Variants in KANSL1 observed in about 807,000 individuals in gnomAD.
The protein encoded by KANSL1 is MLL1/MLL complex subunit KANSL1.
In KANSL1, 22 loss-of-function variants were observed where a neutral mutation model predicts 103.6. That is an observed-to-expected ratio of 0.21 (90% CI 0.15 to 0.30). The LOEUF is 0.30. KANSL1 is among the 10% of genes least tolerant of loss of function. The pLI, the probability that KANSL1 is intolerant of heterozygous loss-of-function variation, is 1.00. For synonymous variants in KANSL1, 600 were observed against 527.6 expected (o/e 1.14, Z -1.88); for missense variants, 1,337 against 1,399.8 (o/e 0.96, Z 0.72).
intron 6 of KANSL1, among the ~76,000 whole-genome samples, chr17:46,055,336 GC>G (rs1352408624): frequency 6.6e-6 from 1 of 151,694 alleles, no homozygotes; most frequent in African/African-American, 2.4e-5. Flanking sequence ...ATGGTGGCGG[GC>G]GCCTGTAATC....
rs138233295 is a variant in KANSL1, at chr17:46,107,724, T to C, written c.1290-13023A>G. Among the ~76,000 whole-genome samples, 5 of 152,344 alleles carry C rather than the reference T, an allele frequency of 3.3e-5. No individual in the cohort carries two copies. In the East Asian group the frequency reaches 9.6e-4, roughly 29 times the overall value. ...TTTCTACCTGCCTACTCAACACTTC[T>C]ATTTGAATGTCTAAAAAGTGTCTCA... On this transcript the variant is annotated intron_variant, in intron 2 of 14. Transcript: ENST00000432791.
At chr17:46,198,427 A>T (rs1299760056), upstream of KANSL1, among the ~76,000 whole-genome samples, 8 of 110,804 alleles carry the variant, frequency 7.2e-5, no homozygotes, top group Admixed American at 1.9e-4. Context: ...TTAATTAAAA[A>T]AAAAAAAAAA....
chr17:46,133,562 T>C (rs746602588), intron 2 of KANSL1, among the ~76,000 whole-genome samples: 1 of 152,254 alleles, frequency 6.6e-6, no homozygotes, highest in African/African-American at 2.4e-5. Context: ...CTATCCAATC[T>C]TCCTATTCTC....
chr17:46,183,886 G>A (rs1022597659), intron 1 of KANSL1, among the ~76,000 whole-genome samples: 2 of 152,162 alleles, frequency 1.3e-5, no homozygotes, highest in African/African-American at 2.4e-5. Context: ...GCACTCCAGC[G>A]TAGGCGACAG....
intron 1 of KANSL1, among the ~76,000 whole-genome samples, chr17:46,180,992 G>T (rs1026430678): frequency 1.3e-5 from 2 of 152,148 alleles, no homozygotes; most frequent in Non-Finnish European, 2.9e-5. Flanking sequence ...TGGATTGAAA[G>T]TAAGTAAAAA....
At chr17:46,108,876 C>T (rs1201088987) in intron 2 of KANSL1, among the ~76,000 whole-genome samples, 1 of 152,208 alleles carries the variant, frequency 6.6e-6, no homozygotes, top group Non-Finnish European at 1.5e-5. Flanking sequence ...AGTCCACACT[C>T]TTAGTCCAAG....
At chr17:46,193,756 C>A, upstream of KANSL1, 1 of 184,176 alleles carries the variant, frequency 5.4e-6, no homozygotes, top group South Asian at 5.9e-5. Context: ...TAACCTGAGG[C>A]ACTGACGCCG....
Position 46,050,378 on chromosome 17 carries a change from TAC to T in KANSL1, c.2020+153_2020+154del, listed in dbSNP as rs1423859721. On this transcript the variant is annotated intron_variant, in intron 7 of 14. Coordinates refer to ENST00000432791, the MANE Select transcript of KANSL1 (RefSeq NM_015443.4). The stretch of plus-strand genomic sequence containing the variant: ...GCACCTTCTGGTTTGGTGGATCTGT[TAC>T]AGTCTTTTTGCAAAATTCTAAGAGA... The T allele has an allele frequency of 1.0e-5, 7 of 681,708 alleles. No homozygotes were observed. In the Admixed American group the frequency reaches 1.7e-4, roughly 17 times the overall value. The allele number at this position is 681,708 out of a possible 1,614,324, so 42.2% of individuals were successfully genotyped here. A position where few individuals can be genotyped will look rare whatever the true frequency, so the allele number is the denominator to read the frequency against.
intron 1 of KANSL1, among the ~76,000 whole-genome samples, chr17:46,172,717 T>C (rs139034334): frequency 1.2e-4 from 19 of 152,244 alleles, no homozygotes; most frequent in Non-Finnish European, 2.5e-4. Flanking sequence ...CCAGTTTTCA[T>C]CAGCTTCTCA....
At chr17:46,098,060 C>T (rs2042157491) in intron 2 of KANSL1, among the ~76,000 whole-genome samples, 1 of 149,662 alleles carries the variant, frequency 6.7e-6, no homozygotes, top group Non-Finnish European at 1.5e-5. Context: ...TTTTAAAGTA[C>T]AGTTATCTGC....
intron 2 of KANSL1, among the ~76,000 whole-genome samples, chr17:46,166,038 C>A (rs1010374920): frequency 2.0e-5 from 3 of 150,430 alleles, no homozygotes; most frequent in Admixed American, 2.0e-4. Context: ...ATGGTGAAAC[C>A]CCGTCTCTAC....
intron 7 of KANSL1, among the ~76,000 whole-genome samples, chr17:46,047,195 G>A (rs897209989): frequency 2.0e-5 from 3 of 152,120 alleles, no homozygotes; most frequent in Admixed American, 6.5e-5. Context: ...CAAAAATCCC[G>A]GTATCTACTG....
chr17:46,162,681 A>T (rs1215128908), intron 2 of KANSL1, among the ~76,000 whole-genome samples: 1 of 152,262 alleles, frequency 6.6e-6, no homozygotes, highest in Non-Finnish European at 1.5e-5. Context: ...CTAACTGGTT[A>T]GCCTAAATTC....
chr17:46,103,429 A>G (rs929681068), intron 2 of KANSL1, among the ~76,000 whole-genome samples: 3 of 152,210 alleles, frequency 2.0e-5, no homozygotes, highest in Non-Finnish European at 4.4e-5. Context: ...TCCAAAATGT[A>G]AGGTCTTTTA....
In KANSL1 at chr17:46,171,678, C is replaced by A; in HGVS notation, c.466G>T (p.Gly156Trp). The change falls in exon 2 of 15, where the codon GGG becomes TGG. Residue 156 changes from glycine (G) to tryptophan (W), a missense_variant. Gly to Trp is a radical substitution (Grantham distance 184). Transcript: ENST00000432791. ...CTTTTAGTCAATTTCTTAGCCAACCCATTTACAGGTGCTTGTGGCAGAGCT... is the reference window on the plus strand; with the variant it reads ...CTTTTAGTCAATTTCTTAGCCAACCAATTTACAGGTGCTTGTGGCAGAGCT... The part of the protein sequence containing the change: ...QTALPQAPVN[G>W]LAKKLTKSST... 6.4e-7 allele frequency: 1 copy of A among 1,551,722 alleles called. No homozygotes were observed. The highest frequency in any genetic ancestry group is 8.7e-7 in the Non-Finnish European group (1 of 1,153,594).
At chr17:46,082,879 A>C (rs188579436) in intron 3 of KANSL1, among the ~76,000 whole-genome samples, 59 of 152,302 alleles carry the variant, frequency 3.9e-4, no homozygotes, top group African/African-American at 1.3e-3. Context: ...AACAGCAGCA[A>C]TGCAGTTTTT....
chr17:46,038,541 T>C lies in KANSL1; in HGVS notation c.2538A>G (p.Thr846=), dbSNP rs148718200. 8.1e-6 allele frequency: 13 copies of C among 1,614,028 alleles called. No individual in the cohort carries two copies. In the African/African-American group the frequency reaches 1.3e-4, roughly 17 times the overall value. ...ASSSSQVTAS[T]SQQPVRRRRG... ...CCAACCCCACACAGGTACTTACCGA[T>C]GTGCTGGCTGTAACCTGTGAGCTAG... Residue 846 remains threonine, a synonymous_variant, in exon 10 of 15, where the codon ACA becomes ACG. Transcript: ENST00000432791.
intron 2 of KANSL1, among the ~76,000 whole-genome samples, chr17:46,154,950 C>T (rs1430041728): frequency 1.3e-5 from 2 of 152,148 alleles, no homozygotes; most frequent in Non-Finnish European, 2.9e-5. Flanking sequence ...GTATAAGCCA[C>T]CACGAGCAGC....
chr17:46,186,910 T>A (rs565294455), intron 1 of KANSL1, among the ~76,000 whole-genome samples: 1 of 152,120 alleles, frequency 6.6e-6, no homozygotes, highest in Non-Finnish European at 1.5e-5. Flanking sequence ...GCTGTTTTTT[T>A]TTTTAGTAGA....
Sources: allele counts gnomAD v4.1 joint callset (sites outside exome capture counted in the v4.1 genomes callset), GRCh38; gene constraint gnomAD v4.1.1; transcripts MANE v1.5; gene names NCBI Gene and HGNC (gene_info 2026-07-23, HGNC 2026-07-21).